COL23A1: variants seen among roughly 807,000 people sequenced by gnomAD.
COL23A1 encodes the protein collagen alpha-1(XXIII) chain.
A neutral mutation model predicts 99.3 loss-of-function variants in COL23A1; 97 were observed. That is an observed-to-expected ratio of 0.98 (90% confidence interval 0.83 to 1.16). COL23A1 has a LOEUF of 1.16. Among genes scored for constraint, COL23A1 ranks in the 50% most tolerant of loss-of-function variants. The pLI is 0.00. For missense variants in COL23A1, 762 were observed against 757.4 expected, an observed-to-expected ratio of 1.01 and a Z score of -0.07; for synonymous variants, 320 against 308.2, an observed-to-expected ratio of 1.04 and a Z score of -0.40.
intron 2 of COL23A1, among the ~76,000 whole-genome samples, chr5:178,418,248 G>A (rs1272519883): frequency 1.3e-5 from 2 of 152,254 alleles, no homozygotes; most frequent in South Asian, 2.1e-4. Flanking sequence ...ATATGAGACT[G>A]TATGTATTCT....
At chr5:178,571,534 G>A (rs1426130584) in intron 1 of COL23A1, among the ~76,000 whole-genome samples, 3 of 151,990 alleles carry the variant, frequency 2.0e-5, no homozygotes, top group African/African-American at 7.3e-5. Flanking sequence ...TCCAGCCCAG[G>A]AATATATATA....
intron 3 of COL23A1, among the ~76,000 whole-genome samples, chr5:178,305,842 G>A (rs1257047606): frequency 6.6e-6 from 1 of 152,188 alleles, no homozygotes; most frequent in Admixed American, 6.5e-5. Flanking sequence ...AGGCTCATGG[G>A]GACTTGGCGT....
chr5:178,314,866 A>G (rs951229799), intron 2 of COL23A1, among the ~76,000 whole-genome samples: 4 of 152,120 alleles, frequency 2.6e-5, no homozygotes, highest in Non-Finnish European at 4.4e-5. Flanking sequence ...TCTGATTGAG[A>G]GTCATGTCCT....
At chr5:178,249,743 C>CTCTA (rs1402670473) in intron 18 of COL23A1, among the ~76,000 whole-genome samples, 209 of 145,308 alleles carry the variant, frequency 1.4e-3, no homozygotes, top group Non-Finnish European at 2.4e-3. Flanking sequence ...CTCTCTCTCT[C>CTCTA]TCTCTCTCGA....
chr5:178,257,784 T>C (rs1765389378), intron 12 of COL23A1, among the ~76,000 whole-genome samples: 1 of 152,202 alleles, frequency 6.6e-6, no homozygotes, highest in Non-Finnish European at 1.5e-5. Flanking sequence ...AGGGCTGGCA[T>C]TTGCAGAAAG....
chr5:178,373,228 C>T (rs1297773563), intron 2 of COL23A1, among the ~76,000 whole-genome samples: 2 of 152,160 alleles, frequency 1.3e-5, no homozygotes. Context: ...TTTGGTGCCT[C>T]TCCTGGCCTT....
intron 12 of COL23A1, among the ~76,000 whole-genome samples, chr5:178,258,912 T>C (rs1025344631): frequency 7.0e-6 from 1 of 143,298 alleles, no homozygotes; most frequent in Non-Finnish European, 1.5e-5. Context: ...TCCAGGGTGG[T>C]CTTTTTTTTT....
At chr5:178,477,295 G>C (rs1048856554) in intron 2 of COL23A1, among the ~76,000 whole-genome samples, 1 of 152,172 alleles carries the variant, frequency 6.6e-6, no homozygotes, top group Non-Finnish European at 1.5e-5. Flanking sequence ...GAGAAACAGG[G>C]ACTGGGGTTT....
intron 5 of COL23A1, among the ~76,000 whole-genome samples, chr5:178,271,906 T>C (rs1390210439): frequency 6.6e-6 from 1 of 152,190 alleles, no homozygotes; most frequent in Non-Finnish European, 1.5e-5. Flanking sequence ...GGGGCTGCAC[T>C]AACCTCAGTG....
chr5:178,488,592 C>G (rs1421686949), intron 2 of COL23A1, among the ~76,000 whole-genome samples: 1 of 152,008 alleles, frequency 6.6e-6, no homozygotes, highest in African/African-American at 2.4e-5. Flanking sequence ...CTCTTCTTAT[C>G]CCCAAACTCA....
intron 2 of COL23A1, among the ~76,000 whole-genome samples, chr5:178,393,553 A>C (rs1294359781): frequency 6.6e-6 from 1 of 152,214 alleles, no homozygotes; most frequent in Non-Finnish European, 1.5e-5. Flanking sequence ...ACAATAAAAA[A>C]ATTTCCCTGG....
intron 5 of COL23A1, among the ~76,000 whole-genome samples, chr5:178,283,457 A>G (rs1306207841): frequency 6.6e-6 from 1 of 152,124 alleles, no homozygotes; most frequent in African/African-American, 2.4e-5. Context: ...TCTCACTTCA[A>G]TGTTACTTTC....
chr5:178,353,717 G>A (rs1165650769), intron 2 of COL23A1, among the ~76,000 whole-genome samples: 1 of 152,162 alleles, frequency 6.6e-6, no homozygotes, highest in Non-Finnish European at 1.5e-5. Context: ...GGGTGTGGGT[G>A]ACATCTCTCC....
At position 178,309,388 on chromosome 5, in the gene COL23A1, C is replaced by T. The variant is rs1758542667; in HGVS notation, c.362-2469G>A. On this transcript the variant is annotated intron_variant, in intron 2 of 28. Coordinates refer to ENST00000390654, the MANE Select transcript of COL23A1 (RefSeq NM_173465.4). The surrounding 1 kb of genome is among the most constrained non-coding windows in gnomAD (Gnocchi z 4.7). ...CTGGGGTGTTGCTGAGCATACAGGG[C>T]CTGTGAGCCGCAGGCCAGGCAGGCT... is the stretch of plus-strand genomic sequence containing the variant. 6.6e-6 allele frequency among the ~76,000 whole-genome samples: 1 copy of T among 152,072 alleles called. No individual in the cohort carries two copies.
chr5:178,572,072 C>CAAAAAAAAAAAAAAAAAAAAA (rs57863132), intron 1 of COL23A1, among the ~76,000 whole-genome samples: 1 of 109,476 alleles, frequency 9.1e-6, no homozygotes, highest in Non-Finnish European at 1.8e-5. Flanking sequence ...TTTCTCAAAA[C>CAAAAAAAAAAAAAAAAAAAAA]AAAAAAAAAA....
intron 2 of COL23A1, among the ~76,000 whole-genome samples, chr5:178,405,641 A>G (rs954879136): frequency 2.0e-5 from 3 of 152,220 alleles, no homozygotes; most frequent in African/African-American, 4.8e-5. Context: ...CACGACGACC[A>G]CCACTACTGA....
intron 5 of COL23A1, among the ~76,000 whole-genome samples, chr5:178,275,791 G>A (rs144686995): frequency 8.2e-4 from 125 of 152,242 alleles, no homozygotes; most frequent in African/African-American, 2.9e-3. Flanking sequence ...CTGATTCACC[G>A]GAGTGCGGTC....
At chr5:178,351,542 G>A (rs1008933449) in intron 2 of COL23A1, among the ~76,000 whole-genome samples, 95 of 152,276 alleles carry the variant, frequency 6.2e-4, no homozygotes, top group African/African-American at 2.2e-3. Flanking sequence ...GGCCGCACTC[G>A]GCCCACTGTT....
chr5:178,306,964 T>C lies in COL23A1; in HGVS notation c.362-45A>G. On this transcript the variant is annotated intron_variant, in intron 2 of 28. Coordinates refer to ENST00000390654, the MANE Select transcript of COL23A1 (RefSeq NM_173465.4). This position sits in a 1 kb window ranked among gnomAD's most constrained non-coding sequence, Gnocchi z 4.1. ...TGCATTCATTGAGAAGGGAAGCCAGTGGACTTGGCTGCGTGGGGCATGCCC... is the reference window on the plus strand; with the variant it reads ...TGCATTCATTGAGAAGGGAAGCCAGCGGACTTGGCTGCGTGGGGCATGCCC... 2 of 1,392,352 alleles carry C rather than the reference T, an allele frequency of 1.4e-6. No homozygotes were observed. The highest frequency in any genetic ancestry group is 1.9e-6 in the Non-Finnish European group (2 of 1,051,640). 86.2% of individuals were successfully genotyped at this position (1,392,352 alleles called of 1,614,324 possible).
Sources: gnomAD v4.1 joint callset for allele counts (sites outside exome capture counted in the v4.1 genomes callset) on GRCh38, gnomAD v4.1.1 for gene constraint, Gnocchi (gnomAD v3.1) non-coding constraint, MANE v1.5 for transcripts, NCBI Gene and HGNC (gene_info 2026-07-23, HGNC 2026-07-21) for gene names.